Variants in PDZD2 observed in about 807,000 individuals in gnomAD.
PDZD2 encodes PDZ domain-containing protein 2.
PDZD2 carries 90 observed loss-of-function variants against 220.7 expected under a neutral mutation model. That is an observed-to-expected ratio of 0.41 (90% confidence interval 0.34 to 0.49). PDZD2 has a LOEUF of 0.49. PDZD2 is among the 20% of genes least tolerant of loss of function. The pLI, the probability that PDZD2 is intolerant of heterozygous loss-of-function variation, is 0.28. For missense variants in PDZD2, 3,174 were observed against 3,608.5 expected, an observed-to-expected ratio of 0.88 and a Z score of 3.08; for synonymous variants, 1,375 against 1,450.5, an observed-to-expected ratio of 0.95 and a Z score of 1.18.
rs1188241225 is a variant in PDZD2 at position 31,849,919 on chromosome 5, CATATATATATAT to C, written c.476+50197_476+50208del. On this transcript the variant is annotated intron_variant, in intron 2 of 24. Coordinates refer to ENST00000438447, the MANE Select transcript of PDZD2 (RefSeq NM_178140.4). ...ATATATATATACATATATATATATA[CATATATATATAT>C]ACACATATATATATATACATATATA... Among the ~76,000 whole-genome samples, 92 of 19,026 alleles carry C rather than the reference CATATATATATAT, an allele frequency of 4.8e-3. 7 individuals carry two copies. Among genetic ancestry groups the C allele is most frequent in the African/African-American group, 0.015 (55 of 3,676 alleles). The allele number at this position is 19,026 out of a possible 152,430, so 12.5% of individuals were successfully genotyped here. A position where few individuals can be genotyped will look rare whatever the true frequency, so the allele number is the denominator to read the frequency against.
intron 6 of PDZD2, among the ~76,000 whole-genome samples, chr5:32,023,371 A>G (rs1418204823): frequency 1.3e-5 from 2 of 152,044 alleles, no homozygotes; most frequent in African/African-American, 4.8e-5. Flanking sequence ...CTCTCATTGC[A>G]CCACCACCAA....
At chr5:31,675,770 C>T (rs953314783) in intron 1 of PDZD2, among the ~76,000 whole-genome samples, 2 of 152,190 alleles carry the variant, frequency 1.3e-5, no homozygotes, top group Admixed American at 6.5e-5. Context: ...GATCTTGGCT[C>T]ACAGCAACGT....
intron 3 of PDZD2, among the ~76,000 whole-genome samples, chr5:31,994,278 G>A (rs898888196): frequency 3.0e-4 from 45 of 151,704 alleles, no homozygotes; most frequent in African/African-American, 1.1e-3. Flanking sequence ...AAAGTGCTGG[G>A]ATTACAGGCA....
rs944685535 is a variant in PDZD2 at position 31,699,675 on chromosome 5, C to T, written c.-361+60238C>T. ...CTGGAGTGTAGTGGTGTGATCTTGGCTCACTGCAATCTCCACCTCCCGGGT... is the reference window on the plus strand; with the variant it reads ...CTGGAGTGTAGTGGTGTGATCTTGGTTCACTGCAATCTCCACCTCCCGGGT... On this transcript the variant is annotated intron_variant, in intron 1 of 24. Transcript: ENST00000438447. Among the ~76,000 whole-genome samples the T allele has an allele frequency of 7.2e-5, 11 of 152,212 alleles. No homozygotes were observed. In the East Asian group the frequency reaches 7.7e-4, roughly 11 times the overall value.
chr5:31,853,796 C>T (rs1758200296), intron 2 of PDZD2, among the ~76,000 whole-genome samples: 1 of 152,138 alleles, frequency 6.6e-6, no homozygotes, highest in Non-Finnish European at 1.5e-5. Context: ...GTGACTTAAC[C>T]TGAACCCCAA....
At chr5:32,003,332 CACCA>C (rs142142419) in intron 5 of PDZD2, among the ~76,000 whole-genome samples, 1,384 of 17,722 alleles carry the variant, frequency 0.078, 15 homozygotes, top group Non-Finnish European at 0.1. Context: ...CACACACCCC[CACCA>C]CACCACACAC....
intron 1 of PDZD2, among the ~76,000 whole-genome samples, chr5:31,733,262 G>A (rs1018139654): frequency 2.0e-5 from 3 of 152,144 alleles, no homozygotes; most frequent in Admixed American, 1.3e-4. Flanking sequence ...TGGGAACAAC[G>A]CTTTGTGATT....
intron 2 of PDZD2, among the ~76,000 whole-genome samples, chr5:31,875,552 C>G (rs1739223221): frequency 6.7e-6 from 1 of 149,060 alleles, no homozygotes; most frequent in Non-Finnish European, 1.5e-5. Context: ...CACTACTGCA[C>G]TCCAGCCTAG....
At chr5:31,655,144 C>T (rs1206293779) in intron 1 of PDZD2, among the ~76,000 whole-genome samples, 1 of 151,970 alleles carries the variant, frequency 6.6e-6, no homozygotes, top group African/African-American at 2.4e-5. Flanking sequence ...GCTTTATTTT[C>T]TCCATTGCAC....
chr5:32,046,524 T>C (rs554570163), intron 7 of PDZD2, among the ~76,000 whole-genome samples: 1 of 152,088 alleles, frequency 6.6e-6, no homozygotes, highest in African/African-American at 2.4e-5. Flanking sequence ...ATTACAGGCA[T>C]GAGCCACCGC....
chr5:31,795,923 G>A (rs918078401), intron 1 of PDZD2, among the ~76,000 whole-genome samples: 2 of 152,158 alleles, frequency 1.3e-5, no homozygotes, highest in Non-Finnish European at 2.9e-5. Context: ...AAGACTAAGT[G>A]TCTTTGAGGG....
intron 1 of PDZD2, among the ~76,000 whole-genome samples, chr5:31,662,001 G>A (rs1003399772): frequency 1.3e-5 from 2 of 152,086 alleles, no homozygotes. Context: ...TTAGAAGGAA[G>A]CAGTTGCAGT....
chr5:31,770,051 T>C (rs929092296), intron 1 of PDZD2, among the ~76,000 whole-genome samples: 1 of 152,236 alleles, frequency 6.6e-6, no homozygotes, highest in Non-Finnish European at 1.5e-5. Flanking sequence ...ATGAAAAGCA[T>C]GTCACTGGAA....
At chr5:32,094,855 G>A (rs116677942) in intron 21 of PDZD2, among the ~76,000 whole-genome samples, 3,007 of 152,312 alleles carry the variant, frequency 0.02, 43 homozygotes, top group Non-Finnish European at 0.033. Context: ...TCCAGCCTGG[G>A]TGACAGAGCA....
At chr5:31,689,142 C>T (rs181436902) in intron 1 of PDZD2, among the ~76,000 whole-genome samples, 7 of 151,554 alleles carry the variant, frequency 4.6e-5, no homozygotes, top group East Asian at 1.9e-4. Context: ...GATCTTGACT[C>T]GCTACAACCT....
chr5:31,991,108 G>C (rs569720374), intron 3 of PDZD2, among the ~76,000 whole-genome samples: 1 of 152,336 alleles, frequency 6.6e-6, no homozygotes, highest in South Asian at 2.1e-4. Context: ...GGTTACAGAG[G>C]TTCGCATATG....
At chr5:32,105,869 G>C (rs1458112147) in intron 24 of PDZD2, among the ~76,000 whole-genome samples, 2 of 152,026 alleles carry the variant, frequency 1.3e-5, no homozygotes, top group Admixed American at 6.5e-5. Context: ...TGGTTTAAAC[G>C]AGAGAATTTA....
At chr5:31,681,316 G>T (rs1446862134) in intron 1 of PDZD2, among the ~76,000 whole-genome samples, 1 of 151,966 alleles carries the variant, frequency 6.6e-6, no homozygotes, top group Non-Finnish European at 1.5e-5. Context: ...GCACAATCTC[G>T]GCTCACTGCA....
At chr5:32,021,307 C>T (rs781677928) in intron 6 of PDZD2, among the ~76,000 whole-genome samples, 3 of 151,872 alleles carry the variant, frequency 2.0e-5, no homozygotes, top group Non-Finnish European at 4.4e-5. Context: ...CTCTGTCACC[C>T]AGGCTGGAGT....
Sources: gnomAD v4.1 joint callset for allele counts (sites outside exome capture counted in the v4.1 genomes callset) on GRCh38, gnomAD v4.1.1 for gene constraint, MANE v1.5 for transcripts, NCBI Gene and HGNC (gene_info 2026-07-23, HGNC 2026-07-21) for gene names.